PDE9A: variants seen among roughly 807,000 people sequenced by gnomAD.
The protein encoded by PDE9A is high affinity cGMP-specific 3',5'-cyclic phosphodiesterase 9A.
A neutral mutation model predicts 87.4 loss-of-function variants in PDE9A; 60 were observed. The observed-to-expected ratio is 0.69, with a 90% CI of 0.56 to 0.85. The LOEUF is 0.85. Ranked by LOEUF, PDE9A falls within the 40% of genes least tolerant of loss-of-function variation. PDE9A has a pLI of 0.00. For missense variants in PDE9A, 665 were observed against 779.0 expected, an observed-to-expected ratio of 0.85 and a Z score of 1.74; for synonymous variants, 272 against 279.4, an observed-to-expected ratio of 0.97 and a Z score of 0.27.
chr21:42,760,169 C>T lies in PDE9A; in HGVS notation c.898-159C>T, dbSNP rs1352627395. Among the ~76,000 whole-genome samples, 1 of 152,098 alleles carries T rather than the reference C, an allele frequency of 6.6e-6. No individual in the cohort carries two copies. The highest frequency in any genetic ancestry group is 1.9e-4 in the East Asian group (1 of 5,180). ...CGTTCTCAGGGTCCCTGTGTCACCT[C>T]ATTGGTACCTGTGGTAAACCTGGAA... On this transcript the variant is annotated intron_variant, in intron 11 of 19. Coordinates refer to ENST00000291539, the MANE Select transcript of PDE9A (RefSeq NM_002606.3). This position sits in a 1 kb window ranked among gnomAD's most constrained non-coding sequence, Gnocchi z 5.2.
intron 9 of PDE9A, 28 bp from the exon 10 acceptor site, chr21:42,753,962 G>A: frequency 2.0e-6 from 3 of 1,467,066 alleles, no homozygotes; most frequent in Non-Finnish European, 2.9e-6. Context: ...ACGGCGCCTG[G>A]TTAACACGGA....
At chr21:42,654,249 C>T (rs2056877289) in intron 1 of PDE9A, among the ~76,000 whole-genome samples, 1 of 152,170 alleles carries the variant, frequency 6.6e-6, no homozygotes, top group Admixed American at 6.5e-5. Flanking sequence ...GGGCGAGCAG[C>T]CGCCGCTTCC....
At chr21:42,740,309 C>T (rs916497087) in intron 7 of PDE9A, among the ~76,000 whole-genome samples, 64 of 151,780 alleles carry the variant, frequency 4.2e-4, no homozygotes, top group African/African-American at 8.0e-4. Context: ...CCAGGTGTGG[C>T]GGTGCACCCC....
At chr21:42,732,439 T>C (rs973783050) in intron 6 of PDE9A, among the ~76,000 whole-genome samples, 3 of 152,240 alleles carry the variant, frequency 2.0e-5, no homozygotes, top group South Asian at 2.1e-4. Context: ...TTGGCTCCAC[T>C]GGAAAATAAG....
Position 42,704,904 on chromosome 21 carries a change from G to A in PDE9A, c.262+5893G>A, listed in dbSNP as rs899029948. Among the ~76,000 whole-genome samples the A allele has an allele frequency of 6.6e-6, 1 of 152,224 alleles. No individual in the cohort carries two copies. Among genetic ancestry groups the A allele is most frequent in the South Asian group, 2.1e-4 (1 of 4,830 alleles). On this transcript the variant is annotated intron_variant, in intron 4 of 19. Coordinates refer to ENST00000291539, the MANE Select transcript of PDE9A (RefSeq NM_002606.3). This position sits in a 1 kb window ranked among gnomAD's most constrained non-coding sequence, Gnocchi z 5.3. Reference sequence around the variant, plus strand: ...AACTGTGCAATGCAGAAACACCCCAGGGTTTTGCTGTTTTGCTACTTAAAT... The same window carrying A: ...AACTGTGCAATGCAGAAACACCCCAAGGTTTTGCTGTTTTGCTACTTAAAT...
chr21:42,669,304 T>C (rs898916985), intron 1 of PDE9A, among the ~76,000 whole-genome samples: 1 of 152,078 alleles, frequency 6.6e-6, no homozygotes, highest in Non-Finnish European at 1.5e-5. Flanking sequence ...GCCAGCAGTT[T>C]GGGAATTGCG....
rs4920142 is a variant in PDE9A, at chr21:42,726,043, G to A, written c.263-5727G>A. ...TGTGCAGTGGTGTCTCACTGTGGTT[G>A]TAACTGGCATTTCCTAATGGCCGAG... On this transcript the variant is annotated intron_variant, in intron 4 of 19. Transcript: ENST00000291539. Among the ~76,000 whole-genome samples, 1,154 of 152,284 alleles carry A rather than the reference G, an allele frequency of 7.6e-3. 6 individuals are homozygous for A. Among genetic ancestry groups the A allele is most frequent in the Middle Eastern group, 0.024 (7 of 294 alleles).
At chr21:42,721,947 C>A (rs1602266159) in intron 4 of PDE9A, among the ~76,000 whole-genome samples, 1 of 151,500 alleles carries the variant, frequency 6.6e-6, no homozygotes, top group East Asian at 2.0e-4. Context: ...CCCTTTTACC[C>A]TTTTCTGAAA....
rs574830275 is a variant in PDE9A at position 42,739,097 on chromosome 21, G to A, written c.569-4679G>A. ...GTCAGCGGGAATAACAGGCAGCCGT[G>A]GGCTGGGCTCCCAGCCCCCTAGCAG... On this transcript the variant is annotated intron_variant, in intron 7 of 19. Transcript: ENST00000291539. This position sits in a 1 kb window ranked among gnomAD's most constrained non-coding sequence, Gnocchi z 4.1. 6.6e-6 allele frequency among the ~76,000 whole-genome samples: 1 copy of A among 152,354 alleles called. No individual in the cohort carries two copies. The highest frequency in any genetic ancestry group is 2.4e-5 in the African/African-American group (1 of 41,588).
chr21:42,738,536 C>T (rs1226203207), intron 7 of PDE9A, among the ~76,000 whole-genome samples: 1 of 152,074 alleles, frequency 6.6e-6, no homozygotes. Flanking sequence ...CCCTCCGGCT[C>T]GGCTCTCTCT....
chr21:42,667,049 G>T (rs1214553215), intron 1 of PDE9A, among the ~76,000 whole-genome samples: 4 of 152,226 alleles, frequency 2.6e-5, no homozygotes, highest in African/African-American at 9.6e-5. Context: ...GAGGCGCCTG[G>T]TCCCAACTGC....
chr21:42,665,864 C>T (rs1231423166), intron 1 of PDE9A, among the ~76,000 whole-genome samples: 1 of 152,190 alleles, frequency 6.6e-6, no homozygotes, highest in Non-Finnish European at 1.5e-5. Flanking sequence ...AGGGATGAAG[C>T]TTCTCCCGCG....
At chr21:42,662,255 G>T (rs62215377) in intron 1 of PDE9A, among the ~76,000 whole-genome samples, 2 of 151,986 alleles carry the variant, frequency 1.3e-5, no homozygotes, top group African/African-American at 2.4e-5. Context: ...TGGTCCCTGT[G>T]CCTCCCACTA....
chr21:42,690,186 CGG>C (rs1463033560), intron 3 of PDE9A: 17 of 481,678 alleles, frequency 3.5e-5, no homozygotes, highest in Admixed American at 1.4e-4. Flanking sequence ...GAGGTAGACG[CGG>C]ATGAGGACAC....
At chr21:42,729,007 A>G (rs1280643428) in intron 4 of PDE9A, among the ~76,000 whole-genome samples, 1 of 151,632 alleles carries the variant, frequency 6.6e-6, no homozygotes, top group Non-Finnish European at 1.5e-5. Flanking sequence ...CTCAAAAAAA[A>G]AAAAAAAAAA....
At chr21:42,752,416 C>G (rs35033133) in intron 9 of PDE9A, among the ~76,000 whole-genome samples, 7,433 of 152,172 alleles carry the variant, frequency 0.049, 213 homozygotes, top group Middle Eastern at 0.068. Context: ...TTACAGGCAC[C>G]CACCGCCATG....
At chr21:42,700,116 A>G (rs1234836315) in intron 4 of PDE9A, among the ~76,000 whole-genome samples, 2 of 152,150 alleles carry the variant, frequency 1.3e-5, no homozygotes, top group African/African-American at 2.4e-5. Flanking sequence ...AAGAAATTAC[A>G]TGGTATATGT....
intron 7 of PDE9A, among the ~76,000 whole-genome samples, chr21:42,742,088 G>C (rs1440371163): frequency 6.6e-6 from 1 of 152,176 alleles, no homozygotes; most frequent in East Asian, 1.9e-4. Flanking sequence ...GTCAGCCAAG[G>C]GTAAATATCT....
chr21:42,775,415 T>G lies in PDE9A; in HGVS notation c.*122T>G. ...AGACCATGTTTTCTAAGAACCATTT[T>G]GTTCACTGATACAAAAAAAAAAAAA... On this transcript the variant is annotated 3_prime_UTR_variant, in exon 20 of 20. Transcript: ENST00000291539. 1.4e-6 allele frequency: 1 copy of G among 721,814 alleles called. No individual in the cohort carries two copies. Among genetic ancestry groups the G allele is most frequent in the South Asian group, 2.3e-5 (1 of 44,018 alleles). 44.7% of individuals were successfully genotyped at this position (721,814 alleles called of 1,614,324 possible).
Sources: gnomAD v4.1 joint callset for allele counts (sites outside exome capture counted in the v4.1 genomes callset) on GRCh38, gnomAD v4.1.1 for gene constraint, Gnocchi (gnomAD v3.1) non-coding constraint, MANE v1.5 for transcripts, NCBI Gene and HGNC (gene_info 2026-07-23, HGNC 2026-07-21) for gene names.